Variants in PARD3 observed in about 807,000 individuals in gnomAD.
The protein encoded by PARD3 is partitioning defective 3 homolog.
A neutral mutation model predicts 155.4 loss-of-function variants in PARD3; 75 were observed. The ratio of observed to expected loss-of-function variants is 0.48; its 90% confidence interval spans 0.40 to 0.58. The LOEUF (loss-of-function observed/expected upper bound fraction) is 0.58. PARD3 is among the 20% of genes least tolerant of loss of function. The pLI, the probability that PARD3 is intolerant of heterozygous loss-of-function variation, is 0.00. For missense variants in PARD3, 1,642 were observed against 1,721.7 expected, an observed-to-expected ratio of 0.95 and a Z score of 0.82; for synonymous variants, 576 against 610.5, an observed-to-expected ratio of 0.94 and a Z score of 0.83.
rs565645028 is a variant in PARD3 at position 34,213,548 on chromosome 10, C to T, written c.3419+56109G>A. Among the ~76,000 whole-genome samples the T allele has an allele frequency of 5.3e-5, 8 of 152,240 alleles. No individual in the cohort carries two copies. The East Asian group carries it at 1.2e-3, about 22-fold the overall frequency. On this transcript the variant is annotated intron_variant, in intron 22 of 24. Coordinates refer to ENST00000374788, the MANE Select transcript of PARD3 (RefSeq NM_001184785.2). ...TTACATTCCACTCAGGCCTGGAAAG[C>T]CTATTGGTCTAACTTGACTCAGTTA...
intron 1 of PARD3, among the ~76,000 whole-genome samples, chr10:34,792,219 G>A (rs1841734258): frequency 6.6e-6 from 1 of 152,178 alleles, no homozygotes; most frequent in African/African-American, 2.4e-5. Flanking sequence ...GGTGGGAGAA[G>A]ACCTGTGGAG....
At chr10:34,671,846 T>G (rs2133251236) in intron 2 of PARD3, among the ~76,000 whole-genome samples, 1 of 133,100 alleles carries the variant, frequency 7.5e-6, no homozygotes, top group African/African-American at 3.1e-5. Context: ...AAAACATGCT[T>G]TACAGTTTTA....
intron 1 of PARD3, among the ~76,000 whole-genome samples, chr10:34,778,235 G>A (rs1839831716): frequency 6.6e-6 from 1 of 152,154 alleles, no homozygotes; most frequent in South Asian, 2.1e-4. Flanking sequence ...TTAAGCTTGT[G>A]GTATCTCCAG....
In PARD3 at chr10:34,548,461, T is replaced by G. The variant is rs559598923; in HGVS notation, c.223-31302A>C. Among the ~76,000 whole-genome samples the G allele has an allele frequency of 9.2e-4, 140 of 152,288 alleles. 1 individual carries two copies. Among genetic ancestry groups the G allele is most frequent in the Non-Finnish European group, 1.6e-3 (110 of 68,028 alleles). On this transcript the variant is annotated intron_variant, in intron 2 of 24. Coordinates refer to ENST00000374788, the MANE Select transcript of PARD3 (RefSeq NM_001184785.2). ...TTGCAGTGAGCCAAGATTGCACCAC[T>G]GCACTGCAGCCTGGGCAACAGAGCA...
At chr10:34,128,588 G>A (rs1356189465) in intron 23 of PARD3, among the ~76,000 whole-genome samples, 2 of 152,140 alleles carry the variant, frequency 1.3e-5, no homozygotes, top group African/African-American at 2.4e-5. Context: ...GTGTGTGTGA[G>A]GAGGAAGGGG....
At chr10:34,477,315 A>G (rs1460469513) in intron 3 of PARD3, among the ~76,000 whole-genome samples, 3 of 152,232 alleles carry the variant, frequency 2.0e-5, no homozygotes, top group African/African-American at 7.2e-5. Context: ...TTCAAAGTAT[A>G]TCCTCTGAAA....
chr10:34,549,798 A>G (rs569579120), intron 2 of PARD3, among the ~76,000 whole-genome samples: 1 of 152,158 alleles, frequency 6.6e-6, no homozygotes, highest in South Asian at 2.1e-4. Context: ...TAGATGAGGC[A>G]TACTCTCCCA....
rs192803216 is a variant in PARD3 at position 34,450,435 on chromosome 10, T to C, written c.596A>G (p.Tyr199Cys). 3 of 1,609,732 alleles carry C rather than the reference T, an allele frequency of 1.9e-6. No homozygotes were observed. The highest frequency in any genetic ancestry group is 4.5e-5 in the East Asian group (2 of 44,840). ...ACTAGTATCCCGCGGGAGGCTTCTG[T>C]AGTTTTCATCTTTCTATTCAAAAAG... is the stretch of plus-strand genomic sequence containing the variant. Reference protein sequence around the residue: ...KTCDRKKDENYRSLPRDTSNW... With the variant: ...KTCDRKKDENCRSLPRDTSNW... Residue 199 changes from tyrosine to cysteine, a missense_variant, in exon 5 of 25, where the codon TAC becomes TGC. Transcript: ENST00000374788.
Position 34,186,147 on chromosome 10 carries a change from G to C in PARD3, c.3420-54564C>G, listed in dbSNP as rs542278225. Among the ~76,000 whole-genome samples, 6 of 151,984 alleles carry C rather than the reference G, an allele frequency of 3.9e-5. No individual in the cohort carries two copies. The East Asian group carries it at 1.2e-3, about 30-fold the overall frequency. ...CAGGGGGGAGGCATCACATAGGGGA[G>C]GAGATGCAGGAAGAAAAGGAAAGCT... On this transcript the variant is annotated intron_variant, in intron 22 of 24. Coordinates refer to ENST00000374788, the MANE Select transcript of PARD3 (RefSeq NM_001184785.2).
At chr10:34,250,413 GA>G (rs1954235483) in intron 22 of PARD3, among the ~76,000 whole-genome samples, 4 of 152,146 alleles carry the variant, frequency 2.6e-5, no homozygotes, top group Admixed American at 2.0e-4. Context: ...GATTATTGAT[GA>G]AAAATGAATA....
chr10:34,269,832 C>G lies in PARD3; in HGVS notation c.3244G>C (p.Asp1082His). ...TCACAGCCAAATGTCCGATGAAAATCTTGAATTTCAGCATAGTCACGCTCT... is the reference window on the plus strand; with the variant it reads ...TCACAGCCAAATGTCCGATGAAAATGTTGAATTTCAGCATAGTCACGCTCT... ...ARERDYAEIQ[D>H]FHRTFGCDDE... Residue 1082 changes from aspartate to histidine, a missense_variant, in exon 22 of 25, where the codon GAT (aspartate) becomes CAT (histidine). This residue lies in a region of PARD3 where 1,529 missense variants were observed against 1,587.3 expected (regional missense o/e 0.96). Transcript: ENST00000374788. 1.2e-6 allele frequency: 2 copies of G among 1,613,962 alleles called. No individual in the cohort carries two copies. The highest frequency in any genetic ancestry group is 1.7e-6 in the Non-Finnish European group (2 of 1,179,956).
intron 20 of PARD3, among the ~76,000 whole-genome samples, chr10:34,305,459 G>A (rs1957357833): frequency 6.6e-6 from 1 of 152,244 alleles, no homozygotes; most frequent in African/African-American, 2.4e-5. Context: ...CTTGTAAGGA[G>A]TAAAACCAGT....
In PARD3 at chr10:34,248,013, G is replaced by A. The variant is rs117611835; in HGVS notation, c.3419+21644C>T. On this transcript the variant is annotated intron_variant, in intron 22 of 24. Coordinates refer to ENST00000374788, the MANE Select transcript of PARD3 (RefSeq NM_001184785.2). Reference sequence around the variant, plus strand: ...TTTTAGGCATCCCCAACCACACTAGGTACATTCCTTTCTAGATCATTTCAC... The same window carrying A: ...TTTTAGGCATCCCCAACCACACTAGATACATTCCTTTCTAGATCATTTCAC... Among the ~76,000 whole-genome samples the A allele has an allele frequency of 2.0e-3, 303 of 152,210 alleles. 1 individual carries two copies. Among genetic ancestry groups the A allele is most frequent in the Non-Finnish European group, 4.0e-3 (269 of 68,020 alleles).
At chr10:34,466,624 C>T (rs1159320601) in intron 4 of PARD3, among the ~76,000 whole-genome samples, 1 of 152,098 alleles carries the variant, frequency 6.6e-6, no homozygotes, top group Admixed American at 6.5e-5. Flanking sequence ...TTTATTTCTA[C>T]AATTTTATAC....
chr10:34,388,214 A>G (rs981960695), intron 7 of PARD3, among the ~76,000 whole-genome samples: 2 of 152,220 alleles, frequency 1.3e-5, no homozygotes, highest in Non-Finnish European at 2.9e-5. Context: ...GCTGATTTCT[A>G]AGTACTTAAC....
intron 22 of PARD3, among the ~76,000 whole-genome samples, chr10:34,177,967 GGT>G (rs1950110214): frequency 6.6e-6 from 1 of 152,086 alleles, no homozygotes; most frequent in Non-Finnish European, 1.5e-5. Context: ...TACTATCACT[GGT>G]CCAGAGACAT....
chr10:34,812,234 C>T (rs927420950), intron 1 of PARD3, among the ~76,000 whole-genome samples: 2 of 152,146 alleles, frequency 1.3e-5, no homozygotes, highest in African/African-American at 4.8e-5. Context: ...AGAGTTGGGA[C>T]CTTTCTCTTT....
At chr10:34,253,094 G>A (rs1954427586) in intron 22 of PARD3, among the ~76,000 whole-genome samples, 2 of 152,190 alleles carry the variant, frequency 1.3e-5, no homozygotes. Context: ...AACTGTGGGA[G>A]TAGGTTTTAG....
At chr10:34,762,812 G>A (rs531588988) in intron 1 of PARD3, among the ~76,000 whole-genome samples, 1 of 152,194 alleles carries the variant, frequency 6.6e-6, no homozygotes, top group South Asian at 2.1e-4. Flanking sequence ...TGACTTCTAG[G>A]GTTCCCACAT....
Sources: allele counts gnomAD v4.1 joint callset (sites outside exome capture counted in the v4.1 genomes callset), GRCh38; gene constraint gnomAD v4.1.1; regional missense constraint gnomAD v4.1.1; transcripts MANE v1.5; gene names NCBI Gene and HGNC (gene_info 2026-07-23, HGNC 2026-07-21).